ZNF836: variants seen among roughly 807,000 people sequenced by gnomAD.
ZNF836 encodes the protein zinc finger protein 836.
A neutral mutation model predicts 7.4 loss-of-function variants in ZNF836; 12 were observed. The ratio of observed to expected loss-of-function variants is 1.61; its 90% CI spans 1.03 to 2.61. ZNF836 has a LOEUF of 2.61. Ranked by LOEUF, ZNF836 falls within the 30% of genes most tolerant of loss-of-function variation. The probability of loss-of-function intolerance (pLI) is 0.00; values close to 1 mark genes in which losing one functional copy is unlikely to be tolerated. For missense variants in ZNF836, 998 were observed against 1,126.2 expected (o/e 0.89, Z 1.63); for synonymous variants, 365 against 382.6 (o/e 0.95, Z 0.54).
chr19:52,162,196 G>T (rs773516422), intron 3 of ZNF836, among the ~76,000 whole-genome samples: 1 of 152,106 alleles, frequency 6.6e-6, no homozygotes, highest in Non-Finnish European at 1.5e-5. Flanking sequence ...ATCACATACC[G>T]GTGACTCTAC....
chr19:52,160,483 T>C lies in ZNF836; in HGVS notation c.124A>G (p.Arg42Gly), dbSNP rs755493730. 1.2e-6 allele frequency: 2 copies of C among 1,614,182 alleles called. No homozygotes were observed. Among genetic ancestry groups the C allele is most frequent in the Non-Finnish European group, 8.5e-7 (1 of 1,180,040 alleles). The change falls in exon 4 of 5, where the codon AGG becomes GGG. Residue 42 changes from arginine to glycine, a missense_variant. Arg to Gly is a moderately radical substitution (Grantham distance 125). Transcript: ENST00000682614. Reference protein sequence around the residue: ...LYWDVMLENYRNLVFLGILPK... With the variant: ...LYWDVMLENYGNLVFLGILPK... ...TCCTTACCCAGGAAGACCAGGTTCC[T>C]GTAGTTCTCCAACATCACATCCCAG...
At chr19:52,170,900 G>A (rs1292994492) in intron 1 of ZNF836, among the ~76,000 whole-genome samples, 1 of 151,910 alleles carries the variant, frequency 6.6e-6, no homozygotes, top group Non-Finnish European at 1.5e-5. Flanking sequence ...GAAGAACACT[G>A]GGTGTCACAA....
rs1460981835 is a variant in ZNF836, at chr19:52,154,945, G to C, written c.2738C>G (p.Thr913Ser). ...SGLTKHQTKHTAESLKTKFNV... is the reference protein window; with the variant it reads ...SGLTKHQTKHSAESLKTKFNV... ...GAATTTTGTTTTAAGACTCTCTGCAGTATGTTTTGTCTGATGTTTAGTGAG... is the reference window on the plus strand; with the variant it reads ...GAATTTTGTTTTAAGACTCTCTGCACTATGTTTTGTCTGATGTTTAGTGAG... Residue 913 changes from threonine (T) to serine (S), a missense_variant, in exon 5 of 5, where the codon ACT becomes AGT. Thr to Ser is a moderately conservative substitution (Grantham distance 58). Coordinates refer to ENST00000682614, the MANE Select transcript of ZNF836 (RefSeq NM_001102657.3). 3 of 1,580,622 alleles carry C rather than the reference G, an allele frequency of 1.9e-6. No homozygotes were observed. The highest frequency in any genetic ancestry group is 2.6e-6 in the Non-Finnish European group (3 of 1,164,238).
rs1474344913 is a variant in ZNF836, at chr19:52,171,409, G to A, written c.-288C>T. Reference sequence around the variant, plus strand: ...CAGGAAACGGGTATGGACAAGGGAAGACTGCCAAGTGCACGTTCGATTCAG... The same window carrying A: ...CAGGAAACGGGTATGGACAAGGGAAAACTGCCAAGTGCACGTTCGATTCAG... On this transcript the variant is annotated 5_prime_UTR_variant, in exon 1 of 5. Transcript: ENST00000682614. 6.6e-6 allele frequency: 1 copy of A among 152,322 alleles called. No homozygotes were observed. The highest frequency in any genetic ancestry group is 1.5e-5 in the Non-Finnish European group (1 of 68,106). The allele number at this position is 152,322 out of a possible 1,614,324, so 9.4% of individuals were successfully genotyped here.
At chr19:52,164,273 A>G (rs112473327) in intron 3 of ZNF836, among the ~76,000 whole-genome samples, 83 of 151,940 alleles carry the variant, frequency 5.5e-4, no homozygotes, top group African/African-American at 1.8e-3. Context: ...CGTGCTTGTA[A>G]TCCCAGCTAC....
chr19:52,160,417 A>G, intron 4 of ZNF836, 48 bp downstream of exon 4: 1 of 1,613,422 alleles, frequency 6.2e-7, no homozygotes, highest in South Asian at 1.1e-5. Context: ...AGAAAATACA[A>G]AAATACACGA....
At chr19:52,160,060 G>A (rs1241836731) in intron 4 of ZNF836, among the ~76,000 whole-genome samples, 3 of 151,848 alleles carry the variant, frequency 2.0e-5, no homozygotes, top group Non-Finnish European at 4.4e-5. Context: ...GTGTGAGCCT[G>A]TAGTCCCAGC....
chr19:52,171,148 G>C lies in ZNF836; in HGVS notation c.-215+188C>G, dbSNP rs2089304547. 1.3e-5 allele frequency: 2 copies of C among 152,290 alleles called. 1 individual carries two copies. The highest frequency in any genetic ancestry group is 4.1e-4 in the South Asian group (2 of 4,828). The allele number at this position is 152,290 out of a possible 1,614,324, so 9.4% of individuals were successfully genotyped here. ...GACGGAGAAGCTCCGGGGTCGCAAC[G>C]GGCGGGAATCCACCTCCCGAGTGAG... On this transcript the variant is annotated intron_variant, in intron 1 of 4. Coordinates refer to ENST00000682614, the MANE Select transcript of ZNF836 (RefSeq NM_001102657.3).
intron 3 of ZNF836, among the ~76,000 whole-genome samples, chr19:52,162,654 A>G (rs1184374136): frequency 7.9e-5 from 12 of 152,202 alleles, no homozygotes; most frequent in Admixed American, 3.3e-4. Context: ...ATTAGGTAAA[A>G]GAGATAACCA....
At chr19:52,157,654 T>G (rs2089178596) in intron 4 of ZNF836, 114 bp from the exon 5 acceptor site, 2 of 1,011,836 alleles carry the variant, frequency 2.0e-6, no homozygotes, top group Admixed American at 3.7e-5. Flanking sequence ...CACTGTGACC[T>G]CCACCTCCTG....
intron 2 of ZNF836, among the ~76,000 whole-genome samples, chr19:52,168,963 G>A (rs951189404): frequency 6.6e-6 from 1 of 152,158 alleles, no homozygotes; most frequent in African/African-American, 2.4e-5. Context: ...GTGGTGGGGA[G>A]AATGGAAAAA....
In ZNF836 at chr19:52,156,036, A is replaced by G. The variant is rs200014155; in HGVS notation, c.1647T>C (p.Thr549=). Reference sequence around the variant, plus strand: ...CATTACATTTGTAAGGTTGCTCCCCAGTATGAATTCTTAAATGTCTTACAA... The same window carrying G: ...CATTACATTTGTAAGGTTGCTCCCCGGTATGAATTCTTAAATGTCTTACAA... ...SCLVRHLRIH[T]GEQPYKCNVC... Residue 549 remains threonine, a synonymous_variant, in exon 5 of 5, where the codon ACT becomes ACC. Coordinates refer to ENST00000682614, the MANE Select transcript of ZNF836 (RefSeq NM_001102657.3). The G allele has an allele frequency of 1.5e-5, 25 of 1,614,044 alleles. No homozygotes were observed. The highest frequency in any genetic ancestry group is 2.0e-5 in the Non-Finnish European group (24 of 1,179,914).
chr19:52,157,097 C>A lies in ZNF836; in HGVS notation c.586G>T (p.Glu196Ter). Residue 196 changes from glutamate to a stop codon, truncating the protein, a stop_gained, in exon 5 of 5, where the codon GAG becomes TAG. Coordinates refer to ENST00000682614, the MANE Select transcript of ZNF836 (RefSeq NM_001102657.3). LOFTEE classifies it low-confidence loss of function (END_TRUNC). ...SVQTNISKKYENEFLQLSLPT... is the reference protein window; with the variant it reads ...SVQTNISKKY ...AATGACAGCTGCAAAAACTCATTCT[C>A]ATATTTTTTAGAAATGTTGGTTTGG... 1 of 1,613,904 alleles carries A rather than the reference C, an allele frequency of 6.2e-7. No homozygotes were observed. Among genetic ancestry groups the A allele is most frequent in the African/African-American group, 1.3e-5 (1 of 75,028 alleles).
At chr19:52,158,662 G>A (rs1351479770) in intron 4 of ZNF836, among the ~76,000 whole-genome samples, 1 of 152,112 alleles carries the variant, frequency 6.6e-6, no homozygotes, top group Non-Finnish European at 1.5e-5. Context: ...AGAATTGCTT[G>A]AACCCAGGAG....
chr19:52,157,572 C>A, intron 4 of ZNF836, 32 bp from the exon 5 acceptor site: 2 of 1,442,454 alleles, frequency 1.4e-6, no homozygotes, highest in South Asian at 1.6e-5. Context: ...GGAGTTTTTT[C>A]GTTGGTTTTT....
Position 52,156,777 on chromosome 19 carries a change from G to A in ZNF836, c.906C>T (p.Tyr302=). The A allele has an allele frequency of 1.2e-6, 2 of 1,614,042 alleles. No individual in the cohort carries two copies. The highest frequency in any genetic ancestry group is 1.6e-4 in the Middle Eastern group (1 of 6,062). ...HRRSHTGEKP[Y]KCNECGKSFS... ...AGGACTTGCCACATTCATTACATTT[G>A]TACGGTTTCTCTCCAGTGTGACTTC... Residue 302 remains tyrosine (Y), a synonymous_variant, in exon 5 of 5, where the codon TAC becomes TAT. Coordinates refer to ENST00000682614, the MANE Select transcript of ZNF836 (RefSeq NM_001102657.3).
chr19:52,168,633 G>A (rs948097274), intron 2 of ZNF836, among the ~76,000 whole-genome samples: 1 of 151,968 alleles, frequency 6.6e-6, no homozygotes, highest in Non-Finnish European at 1.5e-5. Flanking sequence ...AATGTATGAT[G>A]TGTCTGTATA....
chr19:52,160,651 T>G, intron 3 of ZNF836, 60 bp from the exon 4 acceptor site: 1 of 1,531,060 alleles, frequency 6.5e-7, no homozygotes, highest in Non-Finnish European at 8.8e-7. Flanking sequence ...ATACATAAAA[T>G]GAGAAGAGGA....
At chr19:52,169,380 G>C (rs988150059) in intron 2 of ZNF836, among the ~76,000 whole-genome samples, 20 of 152,134 alleles carry the variant, frequency 1.3e-4, no homozygotes, top group African/African-American at 4.8e-4. Context: ...GGGAGTTCAA[G>C]ACCAGCCTGA....
Sources: gnomAD v4.1 joint callset for allele counts (sites outside exome capture counted in the v4.1 genomes callset) on GRCh38, gnomAD v4.1.1 for gene constraint, MANE v1.5 for transcripts, NCBI Gene and HGNC (gene_info 2026-07-23, HGNC 2026-07-21) for gene names.